The following KCNT2 variants were observed in gnomAD, a reference collection of about 807,000 sequenced individuals.
KCNT2 encodes the protein potassium sodium-activated channel subfamily T member 2, also known as potassium channel subfamily T member 2.
Under a neutral mutation model 153.8 loss-of-function variants are expected in KCNT2, and 67 were observed. The observed-to-expected ratio is 0.44, with a 90% CI of 0.36 to 0.53. KCNT2 has a LOEUF of 0.53. KCNT2 is among the 20% of genes least tolerant of loss of function. The probability of loss-of-function intolerance (pLI) is 0.00; values close to 1 mark genes in which losing one functional copy is unlikely to be tolerated. For synonymous variants in KCNT2, 500 were observed against 458.8 expected (o/e 1.09, Z -1.15); for missense variants, 975 against 1,354.8 (o/e 0.72, Z 4.40).
At chr1:196,547,714 C>T (rs1312781436) in intron 1 of KCNT2, among the ~76,000 whole-genome samples, 1 of 151,834 alleles carries the variant, frequency 6.6e-6, no homozygotes, top group Non-Finnish European at 1.5e-5. Flanking sequence ...AAAATTATCA[C>T]ATCAATAATA....
chr1:196,508,892 T>G (rs1315251768), intron 1 of KCNT2, among the ~76,000 whole-genome samples: 2 of 152,208 alleles, frequency 1.3e-5, no homozygotes, highest in Admixed American at 6.5e-5. Flanking sequence ...AATTAGATAT[T>G]TATGTATTTA....
At chr1:196,409,413 G>T (rs1229334261) in intron 12 of KCNT2, among the ~76,000 whole-genome samples, 2 of 151,124 alleles carry the variant, frequency 1.3e-5, no homozygotes, top group African/African-American at 4.9e-5. Context: ...TCTCACTGCA[G>T]TATATTTTGT....
At chr1:196,327,970 T>TA (rs999508106) in intron 18 of KCNT2, among the ~76,000 whole-genome samples, 2 of 151,952 alleles carry the variant, frequency 1.3e-5, no homozygotes, top group African/African-American at 2.4e-5. Context: ...TATTCTTGAA[T>TA]AAAAAAATTA....
At chr1:196,368,267 C>G (rs528745069) in intron 14 of KCNT2, among the ~76,000 whole-genome samples, 1 of 152,164 alleles carries the variant, frequency 6.6e-6, no homozygotes, top group Non-Finnish European at 1.5e-5. Context: ...CATGCAGAAG[C>G]ATTCCAGTCT....
chr1:196,477,382 T>C (rs1255700263), intron 5 of KCNT2, among the ~76,000 whole-genome samples: 1 of 152,034 alleles, frequency 6.6e-6, no homozygotes, highest in East Asian at 1.9e-4. Flanking sequence ...CCCAAGGAGT[T>C]TGAGATCAGC....
intron 26 of KCNT2, among the ~76,000 whole-genome samples, chr1:196,246,108 A>G (rs1655421565): frequency 6.6e-6 from 1 of 152,196 alleles, no homozygotes. Context: ...AGAGAAAAGA[A>G]ACAACATACA....
At chr1:196,410,284 A>G (rs1437087065) in intron 12 of KCNT2, among the ~76,000 whole-genome samples, 1 of 146,826 alleles carries the variant, frequency 6.8e-6, no homozygotes, top group African/African-American at 2.5e-5. Flanking sequence ...TTGTCTTTTC[A>G]CTTTGATTTT....
At chr1:196,450,472 C>G (rs1374604938) in intron 8 of KCNT2, among the ~76,000 whole-genome samples, 1 of 151,892 alleles carries the variant, frequency 6.6e-6, no homozygotes, top group Non-Finnish European at 1.5e-5. Context: ...CTCCTTATTT[C>G]CATTCCTTTC....
chr1:196,440,105 AC>A (rs1675095516), intron 8 of KCNT2, among the ~76,000 whole-genome samples: 1 of 151,762 alleles, frequency 6.6e-6, no homozygotes, highest in Admixed American at 6.6e-5. Flanking sequence ...ATATTATCCT[AC>A]CCCTGTCTAC....
At chr1:196,450,587 C>T (rs1340047329) in intron 8 of KCNT2, among the ~76,000 whole-genome samples, 1 of 151,714 alleles carries the variant, frequency 6.6e-6, no homozygotes, top group East Asian at 2.0e-4. Context: ...GTCCTCACAC[C>T]TTATATCTAG....
At chr1:196,373,697 T>C (rs926695975) in intron 13 of KCNT2, among the ~76,000 whole-genome samples, 4 of 151,900 alleles carry the variant, frequency 2.6e-5, no homozygotes, top group African/African-American at 9.7e-5. Context: ...TGACACAGCA[T>C]AAATTTTAGA....
At chr1:196,396,563 G>A (rs1670953917) in intron 13 of KCNT2, among the ~76,000 whole-genome samples, 1 of 150,966 alleles carries the variant, frequency 6.6e-6, no homozygotes, top group African/African-American at 2.4e-5. Flanking sequence ...TGTTTTGAGA[G>A]CTTCATACAG....
chr1:196,320,033 A>G (rs891012084), intron 19 of KCNT2, among the ~76,000 whole-genome samples: 4 of 151,824 alleles, frequency 2.6e-5, no homozygotes, highest in Non-Finnish European at 5.9e-5. Flanking sequence ...AACATGCCCT[A>G]TATAATATGT....
At chr1:196,573,847 G>C (rs1661051983) in intron 1 of KCNT2, among the ~76,000 whole-genome samples, 1 of 151,692 alleles carries the variant, frequency 6.6e-6, no homozygotes, top group Admixed American at 6.6e-5. Context: ...CTTTATCTTG[G>C]TATGTTACTC....
rs536773768 is a variant in KCNT2, at chr1:196,266,951, C to T, written c.2911-8457G>A. ...AGGAGATAGCTCATTTGGCCACCCA[C>T]AAAAATGCTCCTGCTGCTGTTGCTG... On this transcript the variant is annotated intron_variant, in intron 25 of 27. Coordinates refer to ENST00000294725, the MANE Select transcript of KCNT2 (RefSeq NM_198503.5). 6.6e-5 allele frequency among the ~76,000 whole-genome samples: 10 copies of T among 152,334 alleles called. No individual in the cohort carries two copies. The South Asian group carries it at 1.2e-3, about 19-fold the overall frequency.
At chr1:196,248,849 G>T (rs1655684240) in intron 26 of KCNT2, among the ~76,000 whole-genome samples, 1 of 151,962 alleles carries the variant, frequency 6.6e-6, no homozygotes, top group Non-Finnish European at 1.5e-5. Context: ...CATCGACAAA[G>T]AAACAAACAA....
chr1:196,455,469 T>C (rs1042467269), intron 8 of KCNT2, among the ~76,000 whole-genome samples: 2 of 151,978 alleles, frequency 1.3e-5, no homozygotes, highest in Admixed American at 6.6e-5. Flanking sequence ...GTGGTTTTTT[T>C]CTAATATTTT....
intron 14 of KCNT2, chr1:196,343,181 A>C (rs1047836759): frequency 1.3e-5 from 2 of 152,194 alleles, no homozygotes; most frequent in African/African-American, 4.8e-5. Context: ...GAACTGACTA[A>C]ATCTCCAAAA....
chr1:196,496,805 C>T (rs538715695), intron 1 of KCNT2, among the ~76,000 whole-genome samples: 15 of 152,244 alleles, frequency 9.9e-5, no homozygotes, highest in South Asian at 4.1e-4. Context: ...ACTCATGCTA[C>T]GATCATTTAG....
Sources: gnomAD v4.1 joint callset for allele counts (sites outside exome capture counted in the v4.1 genomes callset) on GRCh38, gnomAD v4.1.1 for gene constraint, MANE v1.5 for transcripts, NCBI Gene and HGNC (gene_info 2026-07-23, HGNC 2026-07-21) for gene names.